CXADR: variants seen among roughly 807,000 people sequenced by gnomAD.
The protein encoded by CXADR is CXADR cell adhesion molecule.
A neutral mutation model predicts 40.3 loss-of-function variants in CXADR; 20 were observed. The ratio of observed to expected loss-of-function variants is 0.50; its 90% CI spans 0.35 to 0.72. The LOEUF is 0.72. CXADR is among the 30% of genes least tolerant of loss of function. The pLI, the probability that CXADR is intolerant of heterozygous loss-of-function variation, is 0.01. For synonymous variants in CXADR, 150 were observed against 161.3 expected, an observed-to-expected ratio of 0.93 and a Z score of 0.53; for missense variants, 332 against 449.1, an observed-to-expected ratio of 0.74 and a Z score of 2.36.
intron 7 of CXADR, among the ~76,000 whole-genome samples, chr21:17,575,801 T>C (rs1452668173): frequency 2.0e-5 from 3 of 150,962 alleles, no homozygotes; most frequent in African/African-American, 7.3e-5. Flanking sequence ...AAAAAAATGA[T>C]TTTAGGCTGG....
chr21:17,534,095 TATATA>T (rs1336014563), intron 1 of CXADR, among the ~76,000 whole-genome samples: 1 of 96,226 alleles, frequency 1.0e-5, no homozygotes, highest in African/African-American at 4.6e-5. Flanking sequence ...TATATATATA[TATATA>T]TTTTTTTTTT....
chr21:17,561,899 G>A (rs1601024189), intron 6 of CXADR, among the ~76,000 whole-genome samples: 4 of 151,984 alleles, frequency 2.6e-5, no homozygotes, highest in South Asian at 4.2e-4. Flanking sequence ...AGGTCTTAAC[G>A]AGAAGTGTGC....
At chr21:17,563,793 T>C (rs1228172049) in intron 6 of CXADR, among the ~76,000 whole-genome samples, 5 of 150,636 alleles carry the variant, frequency 3.3e-5, no homozygotes, top group African/African-American at 1.2e-4. Flanking sequence ...TACAAAAAAT[T>C]AGCCGGGTGC....
Position 17,565,989 on chromosome 21 carries a change from G to C in CXADR, c.*297G>C. ...AAGTAAGATGTAGCGCTTTGAATAT[G>C]AAATCATAGGTGAAGACATGGGTGA... is the stretch of plus-strand genomic sequence containing the variant. On this transcript the variant is annotated 3_prime_UTR_variant, in exon 7 of 7. Coordinates refer to ENST00000284878, the MANE Select transcript of CXADR (RefSeq NM_001338.5). 1 of 1,035,514 alleles carries C rather than the reference G, an allele frequency of 9.7e-7. No individual in the cohort carries two copies. Among genetic ancestry groups the C allele is most frequent in the Non-Finnish European group, 1.2e-6 (1 of 862,042 alleles). The allele number at this position is 1,035,514 out of a possible 1,614,324, so 64.1% of individuals were successfully genotyped here.
the CXADR span, chr21:17,604,793 A>G: frequency 1.3e-6 from 2 of 1,554,182 alleles, no homozygotes; most frequent in Non-Finnish European, 8.7e-7. Context: ...CAGGCCGTAC[A>G]TGACAGAATG....
At chr21:17,537,431 C>G (rs1252926258) in intron 1 of CXADR, among the ~76,000 whole-genome samples, 1 of 152,216 alleles carries the variant, frequency 6.6e-6, no homozygotes, top group African/African-American at 2.4e-5. Context: ...GGCATCCAGA[C>G]TTGCCTGATT....
chr21:17,549,208 A>G (rs528734077), intron 2 of CXADR, among the ~76,000 whole-genome samples: 93 of 152,342 alleles, frequency 6.1e-4, no homozygotes, highest in Non-Finnish European at 1.2e-3. Context: ...AGGAGGAAAC[A>G]GAGGCCCAGA....
At chr21:17,539,132 G>A (rs1349377684) in intron 1 of CXADR, among the ~76,000 whole-genome samples, 1 of 152,184 alleles carries the variant, frequency 6.6e-6, no homozygotes, top group African/African-American at 2.4e-5. Context: ...ATTGCCAAAA[G>A]TGTTGGTAGT....
At chr21:17,524,979 T>G (rs138303233) in intron 1 of CXADR, among the ~76,000 whole-genome samples, 2 of 152,274 alleles carry the variant, frequency 1.3e-5, no homozygotes, top group East Asian at 3.9e-4. Context: ...TTGTAGTTTA[T>G]TTCAGTTGGT....
Position 17,560,724 on chromosome 21 carries a change from T to C in CXADR, c.594T>C (p.Ser198=). 6.2e-7 allele frequency: 1 copy of C among 1,613,278 alleles called. No individual in the cohort carries two copies. The highest frequency in any genetic ancestry group is 8.5e-7 in the Non-Finnish European group (1 of 1,179,766). ...WLAEMTSSVI[S]VKNASSEYSG... is the part of the protein sequence containing the mutation. ...TAGAAATGACTTCATCTGTTATATC[T>C]GTAAAAAATGCCTCTTCTGAGTACT... The change falls in exon 5 of 7, where the codon TCT becomes TCC. Residue 198 remains serine, a synonymous_variant. Coordinates refer to ENST00000284878, the MANE Select transcript of CXADR (RefSeq NM_001338.5).
At chr21:17,581,228 A>G (rs2061357810) in intron 7 of CXADR, among the ~76,000 whole-genome samples, 1 of 152,198 alleles carries the variant, frequency 6.6e-6, no homozygotes, top group Non-Finnish European at 1.5e-5. Context: ...AATTAATCCC[A>G]TCCTTTTGGT....
At chr21:17,591,694 C>A (rs892018512) in intron 7 of CXADR, among the ~76,000 whole-genome samples, 1 of 151,632 alleles carries the variant, frequency 6.6e-6, no homozygotes, top group Non-Finnish European at 1.5e-5. Context: ...AGAATTTAAA[C>A]AAATTATTGT....
chr21:17,631,497 A>G, the CXADR span, among the ~76,000 whole-genome samples: 1 of 152,182 alleles, frequency 6.6e-6, no homozygotes, highest in African/African-American at 2.4e-5. Context: ...GCACTCACAG[A>G]TGTCAACTTG....
At position 17,532,523 on chromosome 21, in the gene CXADR, C is replaced by T. The variant is rs542732375; in HGVS notation, c.44-14504C>T. Among the ~76,000 whole-genome samples the T allele has an allele frequency of 2.4e-4, 36 of 152,282 alleles. No homozygotes were observed. The South Asian group carries it at 7.3e-3, about 31-fold the overall frequency. On this transcript the variant is annotated intron_variant, in intron 1 of 6. Transcript: ENST00000284878. ...TCCTGTTGCAGCTCCCCAAAACCTT[C>T]ACTAAATCTGATTTGGCCTAGGACA... is the stretch of plus-strand genomic sequence containing the variant.
At chr21:17,597,434 C>T (rs536056499), downstream of CXADR, among the ~76,000 whole-genome samples, 7 of 151,262 alleles carry the variant, frequency 4.6e-5, no homozygotes, top group Admixed American at 4.6e-4. Flanking sequence ...AAAAATGATC[C>T]TGAAGTACAA....
Position 17,568,546 on chromosome 21 carries a change from A to G in CXADR, c.*2854A>G. 1.0e-6 allele frequency: 1 copy of G among 968,154 alleles called. No homozygotes were observed. The highest frequency in any genetic ancestry group is 1.2e-6 in the Non-Finnish European group (1 of 822,536). The allele number at this position is 968,154 out of a possible 1,614,324, so 60.0% of individuals were successfully genotyped here. ...GAAGAGAAATGTTACTGTAGAATAT[A>G]TAGTTCTGTACTTTTTTTTTTTTTT... On this transcript the variant is annotated 3_prime_UTR_variant, in exon 7 of 7. Coordinates refer to ENST00000284878, the MANE Select transcript of CXADR (RefSeq NM_001338.5).
At chr21:17,572,714 T>C (rs1463568771), downstream of CXADR, among the ~76,000 whole-genome samples, 1 of 151,346 alleles carries the variant, frequency 6.6e-6, no homozygotes, top group East Asian at 2.0e-4. Flanking sequence ...ACGTTGTTTT[T>C]TTTCCCCTGG....
At chr21:17,594,113 G>A, downstream of CXADR, 3 of 1,613,040 alleles carry the variant, frequency 1.9e-6, no homozygotes, top group Non-Finnish European at 2.5e-6. Flanking sequence ...GCTAACATGT[G>A]AGGATTAATC....
intron 1 of CXADR, among the ~76,000 whole-genome samples, chr21:17,518,222 C>CCA (rs1434343571): frequency 6.6e-6 from 1 of 151,738 alleles, no homozygotes; most frequent in African/African-American, 2.4e-5. Flanking sequence ...ACACACATAC[C>CCA]CACACACATA....
Sources: gnomAD v4.1 joint callset for allele counts (sites outside exome capture counted in the v4.1 genomes callset) on GRCh38, gnomAD v4.1.1 for gene constraint, MANE v1.5 for transcripts, NCBI Gene and HGNC (gene_info 2026-07-23, HGNC 2026-07-21) for gene names.